Variants in AKAP7 observed in about 807,000 individuals in gnomAD.
AKAP7 encodes the protein A kinase (PRKA) anchor protein 7.
A neutral mutation model predicts 39.5 loss-of-function variants in AKAP7; 39 were observed. The observed-to-expected ratio is 0.99, with a 90% CI of 0.76 to 1.29. AKAP7 has a LOEUF of 1.29. Among genes scored for constraint, AKAP7 ranks in the 50% most tolerant of loss-of-function variants. AKAP7 has a pLI of 0.00. For synonymous variants in AKAP7, 140 were observed against 139.1 expected, an observed-to-expected ratio of 1.01 and a Z score of -0.05; for missense variants, 414 against 407.7, an observed-to-expected ratio of 1.02 and a Z score of -0.13.
intron 7 of AKAP7, among the ~76,000 whole-genome samples, chr6:131,255,573 CCA>C (rs1812775694): frequency 6.6e-6 from 1 of 152,154 alleles, no homozygotes; most frequent in Non-Finnish European, 1.5e-5. Context: ...TCCAGTTCTG[CCA>C]CTGCCTGTTA....
At chr6:131,260,390 A>G (rs945223773) in intron 7 of AKAP7, among the ~76,000 whole-genome samples, 1 of 152,214 alleles carries the variant, frequency 6.6e-6, no homozygotes, top group Admixed American at 6.5e-5. Flanking sequence ...ACTGTCTTCC[A>G]CAGTGGTTGA....
intron 5 of AKAP7, among the ~76,000 whole-genome samples, chr6:131,179,049 C>G (rs1319409715): frequency 6.6e-6 from 1 of 152,036 alleles, no homozygotes; most frequent in Non-Finnish European, 1.5e-5. Context: ...GTCACCACTT[C>G]AGAGAGTCCC....
Position 131,281,396 on chromosome 6 carries a change from A to G in AKAP7, c.851-134A>G, listed in dbSNP as rs80272937. 0.012 allele frequency: 7,542 copies of G among 651,524 alleles called. 101 individuals are homozygous for G. The highest frequency in any genetic ancestry group is 0.05 in the African/African-American group (2,662 of 53,440). 40.4% of individuals were successfully genotyped at this position (651,524 alleles called of 1,614,324 possible). A position where few individuals can be genotyped will look rare whatever the true frequency, so the allele number is the denominator to read the frequency against. On this transcript the variant is annotated intron_variant, in intron 7 of 7. Coordinates refer to ENST00000431975, the MANE Select transcript of AKAP7 (RefSeq NM_016377.4). The surrounding 1 kb of genome is among the most constrained non-coding windows in gnomAD (Gnocchi z 4.0). The stretch of plus-strand genomic sequence containing the variant: ...TTCTGCAAATACCAAATGAAAAGCC[A>G]ACCCACTGTTCTTGAATTTATAGAT...
chr6:131,164,181 C>T (rs193093231), intron 3 of AKAP7, among the ~76,000 whole-genome samples: 22 of 151,810 alleles, frequency 1.4e-4, no homozygotes. Flanking sequence ...CTGTCAGCCC[C>T]CACTCTTTCC....
chr6:131,241,579 G>A (rs9492878), intron 7 of AKAP7, among the ~76,000 whole-genome samples: 17,488 of 64,088 alleles, frequency 0.27, 1,929 homozygotes, highest in Middle Eastern at 0.41. Context: ...TTATATATAT[G>A]TGTGTGTGTG....
chr6:131,277,567 C>T (rs1461238705), intron 7 of AKAP7, among the ~76,000 whole-genome samples: 3 of 152,158 alleles, frequency 2.0e-5, no homozygotes, highest in Admixed American at 6.5e-5. Context: ...AGATACTTGT[C>T]AGGTAGTTGG....
At chr6:131,249,802 T>G (rs759946717) in intron 7 of AKAP7, among the ~76,000 whole-genome samples, 36 of 152,196 alleles carry the variant, frequency 2.4e-4, no homozygotes, top group Non-Finnish European at 4.1e-4. Context: ...CATCTATATT[T>G]GGGTAATTTT....
rs1009597154 is a variant in AKAP7 at position 131,261,116 on chromosome 6, A to G, written c.851-20414A>G. 5.9e-5 allele frequency among the ~76,000 whole-genome samples: 9 copies of G among 152,104 alleles called. No individual in the cohort carries two copies. In the South Asian group the frequency reaches 1.2e-3, roughly 21 times the overall value. On this transcript the variant is annotated intron_variant, in intron 7 of 7. Transcript: ENST00000431975. ...CAGGCTGAGGCAGGAGAATCGCTTGAACCCAGGAGGTGGAGGTTGCAGTGA... is the reference window on the plus strand; with the variant it reads ...CAGGCTGAGGCAGGAGAATCGCTTGGACCCAGGAGGTGGAGGTTGCAGTGA...
intron 7 of AKAP7, among the ~76,000 whole-genome samples, chr6:131,220,612 T>C (rs1188350223): frequency 1.3e-5 from 2 of 152,192 alleles, no homozygotes; most frequent in Non-Finnish European, 2.9e-5. Context: ...CTTTGCTTTA[T>C]TGTGCTTCAC....
At chr6:131,225,172 T>TA (rs1810059071) in intron 7 of AKAP7, among the ~76,000 whole-genome samples, 1 of 152,298 alleles carries the variant, frequency 6.6e-6, no homozygotes. Flanking sequence ...TTTTCATATT[T>TA]AAAAAAATTC....
chr6:131,211,772 CAAAAAAAAAAA>C (rs202168206), intron 6 of AKAP7, among the ~76,000 whole-genome samples: 1 of 83,950 alleles, frequency 1.2e-5, no homozygotes, highest in East Asian at 3.8e-4. Context: ...GACTCCGTCT[CAAAAAAAAAAA>C]AAAAAAAAAA....
chr6:131,186,939 G>A (rs1477825518), intron 5 of AKAP7, among the ~76,000 whole-genome samples: 3 of 152,000 alleles, frequency 2.0e-5, no homozygotes, highest in Non-Finnish European at 4.4e-5. Flanking sequence ...ATATGTGAGG[G>A]TTTATTTTTG....
chr6:131,266,566 C>A (rs1813814162), intron 7 of AKAP7, among the ~76,000 whole-genome samples: 1 of 151,998 alleles, frequency 6.6e-6, no homozygotes, highest in African/African-American at 2.4e-5. Context: ...TTTTTGGAGC[C>A]TCTTGTAAAT....
intron 1 of AKAP7, among the ~76,000 whole-genome samples, chr6:131,139,801 G>A (rs1190886937): frequency 6.6e-6 from 1 of 152,240 alleles, no homozygotes; most frequent in Non-Finnish European, 1.5e-5. Flanking sequence ...ACATGATGGA[G>A]TGCAGTTATA....
At chr6:131,254,051 G>A (rs1812660566) in intron 7 of AKAP7, among the ~76,000 whole-genome samples, 1 of 152,122 alleles carries the variant, frequency 6.6e-6, no homozygotes, top group East Asian at 1.9e-4. Context: ...AGCAGAGCTT[G>A]TCATGGTTTA....
At chr6:131,279,709 C>A (rs1209647606) in intron 7 of AKAP7, among the ~76,000 whole-genome samples, 1 of 152,136 alleles carries the variant, frequency 6.6e-6, no homozygotes, top group Non-Finnish European at 1.5e-5. Flanking sequence ...CAAATTCAAC[C>A]CTGTCATCTT....
chr6:131,176,053 A>G (rs996681221), intron 5 of AKAP7, among the ~76,000 whole-genome samples: 4 of 152,192 alleles, frequency 2.6e-5, no homozygotes, highest in African/African-American at 9.7e-5. Context: ...GTCTATAACA[A>G]TGAATATAGG....
intron 1 of AKAP7, among the ~76,000 whole-genome samples, 159 bp from the exon 2 acceptor site, chr6:131,145,126 A>G (rs1315965580): frequency 2.6e-5 from 4 of 152,210 alleles, no homozygotes; most frequent in Non-Finnish European, 5.9e-5. Context: ...ATAAATGTTT[A>G]TATAAATAGC....
At chr6:131,221,608 C>T (rs558714992) in intron 7 of AKAP7, among the ~76,000 whole-genome samples, 11 of 152,256 alleles carry the variant, frequency 7.2e-5, no homozygotes, top group Middle Eastern at 3.4e-3. Context: ...AAGAACAGGC[C>T]GACTCTCTTG....
Sources: allele counts gnomAD v4.1 joint callset (sites outside exome capture counted in the v4.1 genomes callset), GRCh38; gene constraint gnomAD v4.1.1; non-coding constraint Gnocchi (gnomAD v3.1); transcripts MANE v1.5; gene names NCBI Gene and HGNC (gene_info 2026-07-23, HGNC 2026-07-21).